The following MKX variants were observed in gnomAD, a reference collection of about 807,000 sequenced individuals.
The protein encoded by MKX is mohawk homeobox.
A neutral mutation model predicts 36.0 loss-of-function variants in MKX; 13 were observed. The ratio of observed to expected loss-of-function variants is 0.36; its 90% CI spans 0.24 to 0.57. The LOEUF (loss-of-function observed/expected upper bound fraction) is 0.57, where lower values mean the gene tolerates loss of function less well. Among genes scored for constraint, MKX ranks in the 20% least tolerant of loss-of-function variants. The pLI, the probability that MKX is intolerant of heterozygous loss-of-function variation, is 0.79. For synonymous variants in MKX, 176 were observed against 178.3 expected, an observed-to-expected ratio of 0.99 and a Z score of 0.10; for missense variants, 458 against 456.4, an observed-to-expected ratio of 1.00 and a Z score of -0.03.
In MKX at chr10:27,692,492, G is replaced by A. The variant is rs117522324; in HGVS notation, c.839-16938C>T. Among the ~76,000 whole-genome samples the A allele has an allele frequency of 3.5e-3, 536 of 152,292 alleles. 4 individuals are homozygous for A. Among genetic ancestry groups the A allele is most frequent in the Middle Eastern group, 0.02 (6 of 294 alleles). ...CCATGGTAATGACATACTGTTATGAGATCTGTGTTTTCTGTTTTGAAAATA... is the reference window on the plus strand; with the variant it reads ...CCATGGTAATGACATACTGTTATGAAATCTGTGTTTTCTGTTTTGAAAATA... On this transcript the variant is annotated intron_variant, in intron 5 of 6. Transcript: ENST00000419761.
At chr10:27,690,863 G>A (rs969088420) in intron 5 of MKX, among the ~76,000 whole-genome samples, 2 of 152,132 alleles carry the variant, frequency 1.3e-5, no homozygotes, top group South Asian at 2.1e-4. Flanking sequence ...CCCACATGTC[G>A]AGGGAGGGAC....
At chr10:27,708,630 G>A (rs940690749) in intron 5 of MKX, among the ~76,000 whole-genome samples, 1 of 151,880 alleles carries the variant, frequency 6.6e-6, no homozygotes, top group African/African-American at 2.4e-5. Context: ...TTGGGAGGCT[G>A]AGGCAAGAGA....
chr10:27,693,223 C>T (rs2132512818), intron 5 of MKX, among the ~76,000 whole-genome samples: 1 of 152,298 alleles, frequency 6.6e-6, no homozygotes, highest in South Asian at 2.1e-4. Flanking sequence ...GTGCCTCCCC[C>T]AGAGCCTGTG....
chr10:27,715,155 T>C (rs1036662285), intron 5 of MKX, among the ~76,000 whole-genome samples: 4 of 152,040 alleles, frequency 2.6e-5, no homozygotes, highest in Non-Finnish European at 4.4e-5. Context: ...CTTTCCTTTA[T>C]CATAGTTTTG....
intron 5 of MKX, among the ~76,000 whole-genome samples, chr10:27,710,272 T>C (rs1393759826): frequency 6.6e-6 from 1 of 152,216 alleles, no homozygotes; most frequent in Non-Finnish European, 1.5e-5. Context: ...TGTCCTGCAA[T>C]GAAAAAGTTG....
chr10:27,724,174 A>G (rs1439834573), intron 5 of MKX, among the ~76,000 whole-genome samples: 3 of 152,150 alleles, frequency 2.0e-5, no homozygotes, highest in African/African-American at 7.2e-5. Flanking sequence ...ACAAAAAAAT[A>G]AAATTGTGTG....
At chr10:27,718,797 C>T (rs11015967) in intron 5 of MKX, among the ~76,000 whole-genome samples, 3 of 152,100 alleles carry the variant, frequency 2.0e-5, no homozygotes, top group African/African-American at 7.2e-5. Context: ...TATTCAAGCA[C>T]CATAGTTCAG....
Position 27,730,080 on chromosome 10 carries a change from A to T in MKX, c.838+4376T>A, listed in dbSNP as rs1834590904. On this transcript the variant is annotated intron_variant, in intron 5 of 6. Coordinates refer to ENST00000419761, the MANE Select transcript of MKX (RefSeq NM_173576.3). Reference sequence around the variant, plus strand: ...CATGATAAAAACAAATTATAATTTTAATTTAGATGACTTAATTCAACAGAT... The same window carrying T: ...CATGATAAAAACAAATTATAATTTTTATTTAGATGACTTAATTCAACAGAT... Among the ~76,000 whole-genome samples, 4 of 152,340 alleles carry T rather than the reference A, an allele frequency of 2.6e-5. No individual in the cohort carries two copies. In the South Asian group the frequency reaches 8.3e-4, roughly 32 times the overall value.
chr10:27,719,477 A>G (rs1292905507), intron 5 of MKX, among the ~76,000 whole-genome samples: 1 of 152,172 alleles, frequency 6.6e-6, no homozygotes, highest in Non-Finnish European at 1.5e-5. Context: ...TAAAGCTGCT[A>G]CAAATGCTCT....
At chr10:27,685,913 G>A (rs1384345623) in intron 5 of MKX, among the ~76,000 whole-genome samples, 3 of 152,100 alleles carry the variant, frequency 2.0e-5, no homozygotes, top group Non-Finnish European at 4.4e-5. Context: ...TTTTGAATGA[G>A]TAAAGAGAAA....
intron 5 of MKX, among the ~76,000 whole-genome samples, chr10:27,723,234 G>A (rs578253272): frequency 2.6e-5 from 4 of 152,236 alleles, no homozygotes; most frequent in Non-Finnish European, 4.4e-5. Context: ...ATAAGCTAGA[G>A]TCCCCATGGG....
chr10:27,734,752 C>T lies in MKX; in HGVS notation c.542G>A (p.Gly181Asp), dbSNP rs1268792437. 4 of 1,613,822 alleles carry T rather than the reference C, an allele frequency of 2.5e-6. No individual in the cohort carries two copies. Among genetic ancestry groups the T allele is most frequent in the African/African-American group, 2.7e-5 (2 of 75,004 alleles). Reference protein sequence around the residue: ...NPPRTHMNEGGYNTPVHHPVI... With the variant: ...NPPRTHMNEGDYNTPVHHPVI... The stretch of plus-strand genomic sequence containing the variant: ...AGGATGGTGAACTGGGGTATTATAG[C>T]CCCCTTCGTTCATGTGGGTTCTTGG... Residue 181 changes from glycine to aspartate, a missense_variant, in exon 5 of 7, where the codon GGC (glycine) becomes GAC (aspartate). Physicochemically the swap from Gly to Asp is moderately conservative, Grantham distance 94 (BLOSUM62 -1). This residue lies in a region of MKX where 297 missense variants were observed against 304.4 expected (regional missense o/e 0.98). Coordinates refer to ENST00000419761, the MANE Select transcript of MKX (RefSeq NM_173576.3).
intron 5 of MKX, among the ~76,000 whole-genome samples, chr10:27,719,974 G>C (rs1461069620): frequency 1.6e-5 from 2 of 126,496 alleles, no homozygotes; most frequent in Non-Finnish European, 3.1e-5. Context: ...GGGCAACAGA[G>C]TCTCAAAAAA....
chr10:27,712,315 A>G (rs1836887639), intron 5 of MKX, among the ~76,000 whole-genome samples: 1 of 152,200 alleles, frequency 6.6e-6, no homozygotes, highest in Non-Finnish European at 1.5e-5. Context: ...AAGAAAATAC[A>G]CTACCATTTA....
intron 5 of MKX, among the ~76,000 whole-genome samples, chr10:27,724,078 C>T (rs997296570): frequency 6.6e-6 from 1 of 151,940 alleles, no homozygotes; most frequent in African/African-American, 2.4e-5. Flanking sequence ...TAAAATATTC[C>T]TCTCTAAATC....
rs7903526 is a variant in MKX, at chr10:27,744,749, T to C, written c.-83+958A>G. ...ACACACACACACACACACACACCCT[T>C]TGCCTCGCCAAGCGCCCACACTCGC... On this transcript the variant is annotated intron_variant, in intron 1 of 6. Coordinates refer to ENST00000419761, the MANE Select transcript of MKX (RefSeq NM_173576.3). This position sits in a 1 kb window ranked among gnomAD's most constrained non-coding sequence, Gnocchi z 5.6. The C allele has an allele frequency of 6.3e-4, 84 of 133,554 alleles. No individual in the cohort carries two copies. Among genetic ancestry groups the C allele is most frequent in the Middle Eastern group, 3.8e-3 (1 of 262 alleles). 8.3% of individuals were successfully genotyped at this position (133,554 alleles called of 1,614,324 possible). A position where few individuals can be genotyped will look rare whatever the true frequency, so the allele number is the denominator to read the frequency against.
chr10:27,694,086 G>A (rs893112628), intron 5 of MKX, among the ~76,000 whole-genome samples: 1 of 152,140 alleles, frequency 6.6e-6, no homozygotes, highest in Non-Finnish European at 1.5e-5. Flanking sequence ...CTCCAGCCAC[G>A]TGGAACTGGG....
intron 5 of MKX, among the ~76,000 whole-genome samples, chr10:27,733,333 C>A (rs1426399615): frequency 6.6e-6 from 1 of 152,118 alleles, no homozygotes; most frequent in African/African-American, 2.4e-5. Flanking sequence ...CTTTAGATTT[C>A]TTAATAAAGC....
rs200548669 is a variant in MKX at position 27,743,237 on chromosome 10, C to A, written c.179G>T (p.Arg60Leu). 1.8e-4 allele frequency: 272 copies of A among 1,514,526 alleles called. 3 individuals are homozygous for A. The East Asian group carries it at 4.5e-3, about 25-fold the overall frequency. 93.8% of individuals were successfully genotyped at this position (1,514,526 alleles called of 1,614,324 possible). ...PLKDNLGLRH[R>L]RTGARQNGGK... is the part of the protein sequence containing the mutation. Reference sequence around the variant, plus strand: ...AGGGGAGTGCGCATACCCGGTCCTCCGGTGTCTCAGGCCGAGGTTGTCCTT... The same window carrying A: ...AGGGGAGTGCGCATACCCGGTCCTCAGGTGTCTCAGGCCGAGGTTGTCCTT... The change falls in exon 2 of 7, where the codon CGG becomes CTG. Residue 60 changes from arginine (R) to leucine (L), a missense_variant. Around this residue, in one of 3 missense-constraint regions of MKX, gnomAD observed 149 missense variants for 114.3 expected, o/e 1.30. Coordinates refer to ENST00000419761, the MANE Select transcript of MKX (RefSeq NM_173576.3).
Sources: allele counts gnomAD v4.1 joint callset (sites outside exome capture counted in the v4.1 genomes callset), GRCh38; gene constraint gnomAD v4.1.1; regional missense constraint gnomAD v4.1.1; non-coding constraint Gnocchi (gnomAD v3.1); transcripts MANE v1.5; gene names NCBI Gene and HGNC (gene_info 2026-07-23, HGNC 2026-07-21).